The following EFCAB8 variants were observed in gnomAD, a reference collection of about 807,000 sequenced individuals.
EFCAB8 encodes the protein EF-hand calcium-binding domain-containing protein 8.
In EFCAB8, 100 loss-of-function variants were observed where a neutral mutation model predicts 116.3. That is an observed-to-expected ratio of 0.86 (90% CI 0.73 to 1.02). EFCAB8 has a LOEUF of 1.02. EFCAB8 is among the 50% of genes least tolerant of loss of function. The pLI, the probability that EFCAB8 is intolerant of heterozygous loss-of-function variation, is 0.00. For synonymous variants in EFCAB8, 558 were observed against 567.9 expected (o/e 0.98, Z 0.25); for missense variants, 1,320 against 1,416.9 (o/e 0.93, Z 1.10).
chr20:32,893,450 C>T (rs1490105093), intron 9 of EFCAB8, 152 bp downstream of exon 9: 2 of 711,646 alleles, frequency 2.8e-6, no homozygotes, highest in Non-Finnish European at 3.4e-6. Context: ...GCATGCCGCT[C>T]AGCTCAGCAC....
intron 2 of EFCAB8, among the ~76,000 whole-genome samples, 173 bp from the exon 3 acceptor site, chr20:32,867,409 C>G (rs941902381): frequency 6.6e-6 from 1 of 152,188 alleles, no homozygotes; most frequent in Non-Finnish European, 1.5e-5. Context: ...CTAGGTTTTT[C>G]TTTATCTTCT....
chr20:32,876,345 G>T (rs1382925995), intron 4 of EFCAB8, among the ~76,000 whole-genome samples: 1 of 152,206 alleles, frequency 6.6e-6, no homozygotes, highest in Non-Finnish European at 1.5e-5. Context: ...CTCCCATTTG[G>T]CTTGGGGGAT....
intron 19 of EFCAB8, 34 bp downstream of exon 19, chr20:32,918,608 C>T (rs990118397): frequency 6.5e-7 from 1 of 1,542,732 alleles, no homozygotes. Context: ...AGGCTACCCT[C>T]ACTCTCTAGC....
chr20:32,911,651 T>G lies in EFCAB8; in HGVS notation c.1729T>G (p.Trp577Gly). The G allele has an allele frequency of 1.3e-6, 2 of 1,551,730 alleles. No individual in the cohort carries two copies. Among genetic ancestry groups the G allele is most frequent in the East Asian group, 4.9e-5 (2 of 40,920 alleles). The stretch of plus-strand genomic sequence containing the variant: ...TTTGCGGGATGGCACAATGAAGATG[T>G]GGAACTACAACATTGGCAAATGCCT... ...TGLRDGTMKM[W>G]NYNIGKCLLT... is the part of the protein sequence containing the mutation. The change falls in exon 16 of 27, where the codon TGG (tryptophan) becomes GGG (glycine). Residue 577 changes from tryptophan to glycine, a missense_variant. Trp to Gly is a radical substitution (Grantham distance 184). Coordinates refer to ENST00000400522, the MANE Select transcript of EFCAB8 (RefSeq NM_001143967.2).
chr20:32,887,384 T>TG (rs1343848606), intron 6 of EFCAB8, among the ~76,000 whole-genome samples: 3 of 152,186 alleles, frequency 2.0e-5, no homozygotes, highest in Admixed American at 6.5e-5. Flanking sequence ...GAGACCAGAC[T>TG]GGCCACCATG....
chr20:32,917,480 G>T lies in EFCAB8; in HGVS notation c.2036G>T (p.Ser679Ile), dbSNP rs1396298072. The change falls in exon 18 of 27, where the codon AGC becomes ATC. Residue 679 changes from serine (S) to isoleucine (I), a missense_variant. Coordinates refer to ENST00000400522, the MANE Select transcript of EFCAB8 (RefSeq NM_001143967.2). ...KPIFNFNASRSPSPLQPKRVQ... is the reference protein window; with the variant it reads ...KPIFNFNASRIPSPLQPKRVQ... ...ATCTTCAACTTCAATGCCTCTAGGA[G>T]CCCCTCGCCCTTGCAGCCCAAGAGG... 3 of 1,492,822 alleles carry T rather than the reference G, an allele frequency of 2.0e-6. No homozygotes were observed. The highest frequency in any genetic ancestry group is 5.6e-5 in the East Asian group (2 of 35,684). The allele number at this position is 1,492,822 out of a possible 1,614,324, so 92.5% of individuals were successfully genotyped here.
intron 3 of EFCAB8, 85 bp downstream of exon 3, chr20:32,867,832 C>A: frequency 1.4e-6 from 2 of 1,393,538 alleles, no homozygotes; most frequent in Non-Finnish European, 1.9e-6. Context: ...AGGGTTCAGA[C>A]ATAATAAGCA....
chr20:32,911,615 C>T lies in EFCAB8; in HGVS notation c.1693C>T (p.Leu565=). 1.9e-6 allele frequency: 3 copies of T among 1,551,694 alleles called. No homozygotes were observed. Among genetic ancestry groups the T allele is most frequent in the Non-Finnish European group, 2.6e-6 (3 of 1,146,970 alleles). The change falls in exon 16 of 27, where the codon CTG becomes TTG. Residue 565 remains leucine (L), a synonymous_variant. Transcript: ENST00000400522. The part of the protein sequence containing the change: ...AMALDESERC[L]LTGLRDGTMK... ...GGCCCTGGATGAGTCAGAGCGGTGC[C>T]TGCTCACAGGTTTGCGGGATGGCAC...
chr20:32,867,770 G>A (rs1342908302), intron 3 of EFCAB8, 23 bp downstream of exon 3: 2 of 1,547,368 alleles, frequency 1.3e-6, no homozygotes. Context: ...TGTAGGCTCG[G>A]TTTTTGTGTG....
chr20:32,921,447 C>T (rs1987450650), intron 20 of EFCAB8, among the ~76,000 whole-genome samples: 1 of 151,754 alleles, frequency 6.6e-6, no homozygotes, highest in Non-Finnish European at 1.5e-5. Flanking sequence ...AACTCCTGGG[C>T]TCAAGTGATC....
intron 19 of EFCAB8, 30 bp downstream of exon 19, chr20:32,918,604 C>G: frequency 6.5e-7 from 1 of 1,545,454 alleles, no homozygotes; most frequent in South Asian, 1.2e-5. Flanking sequence ...CAGAAGGCTA[C>G]CCTCACTCTC....
At chr20:32,939,207 T>TTTCTTTCTTTCTTTCTTTCTTTC (rs1568941916) in intron 22 of EFCAB8, among the ~76,000 whole-genome samples, 1 of 84,464 alleles carries the variant, frequency 1.2e-5, no homozygotes, top group Non-Finnish European at 2.5e-5. Flanking sequence ...TTCTTTCCTC[T>TTTCTTTCTTTCTTTCTTTCTTTC]CTCTCTCTCT....
rs921497498 is a variant in EFCAB8, at chr20:32,943,722, G to A, written c.2877G>A (p.Leu959=). 9.6e-6 allele frequency: 4 copies of A among 416,820 alleles called. No individual in the cohort carries two copies. The highest frequency in any genetic ancestry group is 1.8e-5 in the Non-Finnish European group (4 of 226,444). The allele number at this position is 416,820 out of a possible 1,614,324, so 25.8% of individuals were successfully genotyped here. ...KGHLNSVADI[L]YVDNFQLVIS... is the part of the protein sequence containing the mutation. ...ATTTGAATAGTGTGGCAGACATCCT[G>A]TATGTGGACAACTTCCAGCTGGTTA... The change falls in exon 23 of 27, where the codon CTG becomes CTA. Residue 959 remains leucine (L), a synonymous_variant. Coordinates refer to ENST00000400522, the MANE Select transcript of EFCAB8 (RefSeq NM_001143967.2).
rs1050742599 is a variant in EFCAB8, at chr20:32,859,343, T to G, written c.-11+337T>G. 3.3e-5 allele frequency among the ~76,000 whole-genome samples: 5 copies of G among 152,218 alleles called. 1 individual carries two copies. Among genetic ancestry groups the G allele is most frequent in the Admixed American group, 3.3e-4 (5 of 15,276 alleles). Reference sequence around the variant, plus strand: ...GATGGATGTGACTTCTGATCTGACCTGTTCTCCAATTCTAAATATCAACCG... The same window carrying G: ...GATGGATGTGACTTCTGATCTGACCGGTTCTCCAATTCTAAATATCAACCG... On this transcript the variant is annotated intron_variant, in intron 1 of 26. Transcript: ENST00000400522.
intron 11 of EFCAB8, 53 bp from the exon 12 acceptor site, chr20:32,906,509 C>G (rs1017429918): frequency 2.8e-6 from 2 of 717,514 alleles, no homozygotes; most frequent in Non-Finnish European, 2.6e-6. Context: ...CTCAGACGCT[C>G]TCTTGGGGCC....
intron 22 of EFCAB8, among the ~76,000 whole-genome samples, chr20:32,932,106 C>T (rs1410782403): frequency 6.6e-5 from 10 of 152,066 alleles, no homozygotes; most frequent in South Asian, 2.1e-4. Flanking sequence ...GGGCCGGGCA[C>T]GGTGGCTCAT....
chr20:32,907,917 G>A (rs1232682249), intron 13 of EFCAB8, among the ~76,000 whole-genome samples: 1 of 152,190 alleles, frequency 6.6e-6, no homozygotes, highest in Non-Finnish European at 1.5e-5. Flanking sequence ...AGCCACTACC[G>A]GACTGTGTCC....
chr20:32,896,749 G>A (rs1024411767), intron 10 of EFCAB8, among the ~76,000 whole-genome samples: 1 of 152,162 alleles, frequency 6.6e-6, no homozygotes, highest in African/African-American at 2.4e-5. Flanking sequence ...GCTAAGCCCT[G>A]GTCCTGGCCG....
intron 22 of EFCAB8, among the ~76,000 whole-genome samples, chr20:32,939,634 C>T (rs1568942168): frequency 1.4e-5 from 2 of 145,848 alleles, no homozygotes; most frequent in South Asian, 4.3e-4. Flanking sequence ...TCCCTTCCTC[C>T]CTCCTTTCTC....
Sources: allele counts gnomAD v4.1 joint callset (sites outside exome capture counted in the v4.1 genomes callset), GRCh38; gene constraint gnomAD v4.1.1; transcripts MANE v1.5; gene names NCBI Gene and HGNC (gene_info 2026-07-23, HGNC 2026-07-21).